Variants in KCNQ3 observed in about 807,000 individuals in gnomAD.
The protein encoded by KCNQ3 is potassium voltage-gated channel subfamily KQT member 3.
Under a neutral mutation model 92.5 loss-of-function variants are expected in KCNQ3, and 30 were observed. That is an observed-to-expected ratio of 0.32 (90% CI 0.24 to 0.44). The LOEUF (loss-of-function observed/expected upper bound fraction) is 0.44, where lower values mean the gene tolerates loss of function less well. Among genes scored for constraint, KCNQ3 ranks in the 20% least tolerant of loss-of-function variants. The probability of loss-of-function intolerance (pLI) is 1.00; values close to 1 mark genes in which losing one functional copy is unlikely to be tolerated. For missense variants in KCNQ3, 913 were observed against 1,140.3 expected (o/e 0.80, Z 2.87); for synonymous variants, 450 against 468.8 (o/e 0.96, Z 0.52).
intron 1 of KCNQ3, among the ~76,000 whole-genome samples, chr8:132,323,035 C>A (rs139501855): frequency 6.7e-4 from 102 of 152,316 alleles, no homozygotes; most frequent in African/African-American, 2.3e-3. Flanking sequence ...CAGCAGTGAT[C>A]CAGCTGGACG....
At chr8:132,436,849 G>C (rs1821406780) in intron 1 of KCNQ3, among the ~76,000 whole-genome samples, 2 of 152,106 alleles carry the variant, frequency 1.3e-5, no homozygotes, top group South Asian at 4.2e-4. Flanking sequence ...GGCTGGAAGG[G>C]ACCTTTTGGG....
intron 1 of KCNQ3, among the ~76,000 whole-genome samples, chr8:132,479,851 C>G (rs1762505840): frequency 6.6e-6 from 1 of 151,972 alleles, no homozygotes; most frequent in African/African-American, 2.4e-5. Flanking sequence ...TAGAAGATGT[C>G]ATAAATGTGC....
At chr8:132,133,354 C>CCT (rs537842564) in intron 13 of KCNQ3, among the ~76,000 whole-genome samples, 4 of 103,478 alleles carry the variant, frequency 3.9e-5, no homozygotes, top group South Asian at 3.4e-4. Flanking sequence ...GCTCTCGATT[C>CCT]TTTTTTTTTT....
chr8:132,300,236 AT>A (rs202168444), intron 1 of KCNQ3, among the ~76,000 whole-genome samples: 2 of 150,960 alleles, frequency 1.3e-5, no homozygotes, highest in Non-Finnish European at 3.0e-5. Flanking sequence ...AGGTGACACC[AT>A]TTTTTTTTGC....
At chr8:132,369,452 T>C (rs561679084) in intron 1 of KCNQ3, among the ~76,000 whole-genome samples, 7 of 152,224 alleles carry the variant, frequency 4.6e-5, no homozygotes, top group East Asian at 1.9e-4. Flanking sequence ...ACCCACCCCA[T>C]TGTCCAATAA....
chr8:132,344,291 T>G (rs1265589624), intron 1 of KCNQ3, among the ~76,000 whole-genome samples: 1 of 152,224 alleles, frequency 6.6e-6, no homozygotes, highest in Non-Finnish European at 1.5e-5. Context: ...TCTTTCCCAG[T>G]GATTTTATAA....
chr8:132,274,401 C>T (rs1469137967), intron 1 of KCNQ3, among the ~76,000 whole-genome samples: 1 of 152,132 alleles, frequency 6.6e-6, no homozygotes, highest in Non-Finnish European at 1.5e-5. Flanking sequence ...CCACTGGGTC[C>T]CTCACACGAC....
At chr8:132,452,104 T>C (rs552200929) in intron 1 of KCNQ3, among the ~76,000 whole-genome samples, 37 of 152,316 alleles carry the variant, frequency 2.4e-4, no homozygotes, top group African/African-American at 8.2e-4. Context: ...CATAAATTTT[T>C]ATCATTTTAA....
chr8:132,294,590 A>G (rs1482434627), intron 1 of KCNQ3, among the ~76,000 whole-genome samples: 1 of 152,204 alleles, frequency 6.6e-6, no homozygotes, highest in Non-Finnish European at 1.5e-5. Context: ...CACAACTTTC[A>G]TAAGTTCTTG....
At position 132,206,187 on chromosome 8, in the gene KCNQ3, C is replaced by T. The variant is rs548798734; in HGVS notation, c.387-20006G>A. ...GTCCAGAGCCTACGATCTAGAGCAC[C>T]TGCTCTGGGTCATCCCTGTCCTTCC... On this transcript the variant is annotated intron_variant, in intron 1 of 14. Transcript: ENST00000388996. Among the ~76,000 whole-genome samples the T allele has an allele frequency of 1.8e-4, 28 of 152,258 alleles. 1 individual carries two copies. The highest frequency in any genetic ancestry group is 6.7e-4 in the African/African-American group (28 of 41,546).
intron 1 of KCNQ3, among the ~76,000 whole-genome samples, chr8:132,342,408 C>T (rs1818559376): frequency 6.6e-6 from 1 of 152,158 alleles, no homozygotes; most frequent in South Asian, 2.1e-4. Context: ...AGGTGCGGTG[C>T]CAGAGTAGAA....
rs757885177 is a variant in KCNQ3, at chr8:132,480,275, C to A, written c.258G>T (p.Gly86=). 6.2e-7 allele frequency: 1 copy of A among 1,611,168 alleles called. No homozygotes were observed. Among genetic ancestry groups the A allele is most frequent in the South Asian group, 1.1e-5 (1 of 90,624 alleles). Residue 86 remains glycine (G), a synonymous_variant, in exon 1 of 15, where the codon GGG becomes GGT. Transcript: ENST00000388996. ...EGQRRTPQGI[G]LLAKTPLSRP... ...GGCTCAGCGGGGTCTTGGCCAGGAG[C>A]CCGATGCCCTGCGGGGTCCTCCGCT...
At chr8:132,184,992 T>G (rs1316566043) in intron 2 of KCNQ3, among the ~76,000 whole-genome samples, 1 of 152,068 alleles carries the variant, frequency 6.6e-6, no homozygotes, top group Non-Finnish European at 1.5e-5. Flanking sequence ...GGACACAGGG[T>G]CCCCCTTTCC....
At position 132,186,771 on chromosome 8, in the gene KCNQ3, G is replaced by A. The variant is rs143834189; in HGVS notation, c.387-590C>T. On this transcript the variant is annotated intron_variant, in intron 1 of 14. Coordinates refer to ENST00000388996, the MANE Select transcript of KCNQ3 (RefSeq NM_004519.4). Reference sequence around the variant, plus strand: ...GTTTTTGAAATGCTAGAAAGAAGAGGAACTACCACACTGAAGCATGCAGAA... The same window carrying A: ...GTTTTTGAAATGCTAGAAAGAAGAGAAACTACCACACTGAAGCATGCAGAA... Among the ~76,000 whole-genome samples the A allele has an allele frequency of 9.6e-3, 1,464 of 152,210 alleles. 19 individuals carry two copies. Among genetic ancestry groups the A allele is most frequent in the Middle Eastern group, 0.024 (7 of 294 alleles).
At chr8:132,240,841 G>A (rs1442090880) in intron 1 of KCNQ3, among the ~76,000 whole-genome samples, 1 of 152,092 alleles carries the variant, frequency 6.6e-6, no homozygotes, top group Non-Finnish European at 1.5e-5. Flanking sequence ...GGGATTTTAT[G>A]TATGTTAACT....
intron 1 of KCNQ3, among the ~76,000 whole-genome samples, chr8:132,374,936 A>G (rs975212944): frequency 6.6e-6 from 1 of 152,128 alleles, no homozygotes; most frequent in Non-Finnish European, 1.5e-5. Flanking sequence ...ATTGATGGGC[A>G]TTTAGGTTGA....
intron 1 of KCNQ3, among the ~76,000 whole-genome samples, chr8:132,209,118 C>G (rs1813768006): frequency 6.6e-6 from 1 of 152,080 alleles, no homozygotes; most frequent in Non-Finnish European, 1.5e-5. Context: ...AGAGACAGGT[C>G]ACTTGTGGGT....
rs1361347515 is a variant in KCNQ3 at position 132,352,917 on chromosome 8, G to A, written c.386+127230C>T. Among the ~76,000 whole-genome samples the A allele has an allele frequency of 2.0e-5, 3 of 152,158 alleles. No homozygotes were observed. The East Asian group carries it at 5.8e-4, about 29-fold the overall frequency. On this transcript the variant is annotated intron_variant, in intron 1 of 14. Coordinates refer to ENST00000388996, the MANE Select transcript of KCNQ3 (RefSeq NM_004519.4). ...TGGGCATGATGTCCCAGGAAGGCTG[G>A]TTTGGATTCATGGAAGGGATGGCAT...
At chr8:132,182,340 G>C (rs1314095888) in intron 3 of KCNQ3, among the ~76,000 whole-genome samples, 2 of 152,228 alleles carry the variant, frequency 1.3e-5, no homozygotes, top group Non-Finnish European at 2.9e-5. Context: ...GGCAGGGTCC[G>C]AGGCTGCCTT....
Sources: allele counts gnomAD v4.1 joint callset (sites outside exome capture counted in the v4.1 genomes callset), GRCh38; gene constraint gnomAD v4.1.1; transcripts MANE v1.5; gene names NCBI Gene and HGNC (gene_info 2026-07-23, HGNC 2026-07-21).